PDE4B: variants seen among roughly 807,000 people sequenced by gnomAD.
PDE4B encodes 3',5'-cyclic-AMP phosphodiesterase 4B.
In PDE4B, 20 loss-of-function variants were observed where a neutral mutation model predicts 82.2. The observed-to-expected ratio is 0.24, with a 90% confidence interval of 0.17 to 0.35. The LOEUF (loss-of-function observed/expected upper bound fraction) is 0.35. Ranked by LOEUF, PDE4B falls within the 10% of genes least tolerant of loss-of-function variation. PDE4B has a pLI of 1.00. For synonymous variants in PDE4B, 320 were observed against 318.9 expected, an observed-to-expected ratio of 1.00 and a Z score of -0.04; for missense variants, 655 against 907.2, an observed-to-expected ratio of 0.72 and a Z score of 3.57.
At chr1:66,361,096 A>G (rs1662726144) in intron 9 of PDE4B, among the ~76,000 whole-genome samples, 1 of 152,210 alleles carries the variant, frequency 6.6e-6, no homozygotes, top group Non-Finnish European at 1.5e-5. Flanking sequence ...ATTTAAACTG[A>G]GCCCTTGCTA....
At chr1:65,822,204 G>T (rs914255759) in intron 1 of PDE4B, among the ~76,000 whole-genome samples, 2 of 152,024 alleles carry the variant, frequency 1.3e-5, no homozygotes, top group African/African-American at 4.8e-5. Flanking sequence ...ATTTATTCAT[G>T]CTGATGCCTG....
intron 3 of PDE4B, among the ~76,000 whole-genome samples, chr1:66,151,286 T>TC (rs1375802933): frequency 6.6e-6 from 1 of 152,148 alleles, no homozygotes; most frequent in Non-Finnish European, 1.5e-5. Context: ...CTGAAGTGAC[T>TC]CCCCATTGCC....
chr1:65,868,518 A>G (rs1646537080), intron 1 of PDE4B, among the ~76,000 whole-genome samples: 1 of 152,238 alleles, frequency 6.6e-6, no homozygotes, highest in South Asian at 2.1e-4. Flanking sequence ...AGCTGGGATT[A>G]GCCATAGAGC....
intron 1 of PDE4B, among the ~76,000 whole-genome samples, chr1:65,873,188 T>C (rs1330333571): frequency 6.6e-6 from 1 of 152,192 alleles, no homozygotes; most frequent in East Asian, 1.9e-4. Context: ...GAAGTCCTTT[T>C]ACTCTGGCAA....
At chr1:66,105,848 A>C (rs553765709) in intron 3 of PDE4B, among the ~76,000 whole-genome samples, 1 of 151,868 alleles carries the variant, frequency 6.6e-6, no homozygotes, top group African/African-American at 2.4e-5. Context: ...GGCTGAGACA[A>C]TGGGGTTTTC....
intron 3 of PDE4B, among the ~76,000 whole-genome samples, chr1:66,200,255 A>T (rs1438658237): frequency 2.0e-5 from 3 of 152,150 alleles, no homozygotes; most frequent in Non-Finnish European, 4.4e-5. Flanking sequence ...GTAGCCTTAT[A>T]GTATAGTTTG....
chr1:66,046,937 A>G (rs1032958634), intron 3 of PDE4B, among the ~76,000 whole-genome samples: 9 of 151,890 alleles, frequency 5.9e-5, no homozygotes, highest in African/African-American at 2.2e-4. Context: ...ACTTTTCTGA[A>G]CTTTAATTAG....
chr1:66,132,204 T>G (rs1225876508), intron 3 of PDE4B, among the ~76,000 whole-genome samples: 2 of 152,198 alleles, frequency 1.3e-5, no homozygotes, highest in Non-Finnish European at 2.9e-5. Context: ...ACTGAGTATA[T>G]TCAATGAACA....
intron 3 of PDE4B, among the ~76,000 whole-genome samples, chr1:66,086,698 A>T (rs1480045486): frequency 1.3e-5 from 2 of 152,182 alleles, no homozygotes; most frequent in African/African-American, 2.4e-5. Flanking sequence ...AAACTCCACC[A>T]TTAGTTCCTT....
intron 3 of PDE4B, among the ~76,000 whole-genome samples, chr1:66,217,666 G>A (rs909586994): frequency 4.6e-5 from 7 of 152,072 alleles, no homozygotes; most frequent in Non-Finnish European, 7.4e-5. Flanking sequence ...TGTATGATTT[G>A]TTTAATTATT....
At chr1:65,985,154 A>G (rs1056804164) in intron 3 of PDE4B, among the ~76,000 whole-genome samples, 1 of 152,196 alleles carries the variant, frequency 6.6e-6, no homozygotes, top group Non-Finnish European at 1.5e-5. Flanking sequence ...AGAATTTTCT[A>G]CATTGATATG....
In PDE4B at chr1:66,228,290, A is replaced by G. The variant is rs181050982; in HGVS notation, c.282-19170A>G. Among the ~76,000 whole-genome samples the G allele has an allele frequency of 3.3e-3, 498 of 152,280 alleles. 4 individuals are homozygous for G. The highest frequency in any genetic ancestry group is 0.011 in the African/African-American group (465 of 41,562). On this transcript the variant is annotated intron_variant, in intron 3 of 16. Transcript: ENST00000341517. ...TTTCTCTGGAGTCAATTCTTCTATC[A>G]GTAAAGATCCATTGGTCCTCTGCCT...
chr1:66,042,783 A>C (rs944037755), intron 3 of PDE4B: 2 of 151,814 alleles, frequency 1.3e-5, no homozygotes, highest in African/African-American at 4.8e-5. Context: ...TATTAGCCAA[A>C]AGGGGATATA....
chr1:66,293,438 G>A (rs1657259628), intron 7 of PDE4B, among the ~76,000 whole-genome samples: 1 of 151,426 alleles, frequency 6.6e-6, no homozygotes, highest in Middle Eastern at 3.4e-3. Flanking sequence ...TAAAAGGTGG[G>A]TAAACTGAAT....
At chr1:66,058,387 G>A (rs1017742100) in intron 3 of PDE4B, among the ~76,000 whole-genome samples, 21 of 152,178 alleles carry the variant, frequency 1.4e-4, no homozygotes, top group Admixed American at 7.2e-4. Context: ...TCTAGAGGAC[G>A]GTGTCCCTCT....
chr1:66,213,207 A>G (rs532718239), intron 3 of PDE4B, among the ~76,000 whole-genome samples: 3 of 152,348 alleles, frequency 2.0e-5, no homozygotes, highest in East Asian at 3.9e-4. Flanking sequence ...CAGTGGCATA[A>G]TGTGAATAAT....
chr1:66,193,266 T>C (rs570976053), intron 3 of PDE4B, among the ~76,000 whole-genome samples: 1 of 152,286 alleles, frequency 6.6e-6, no homozygotes, highest in South Asian at 2.1e-4. Context: ...AAATGAAAAA[T>C]ATATTTTATG....
At chr1:66,203,755 T>G (rs940774811) in intron 3 of PDE4B, among the ~76,000 whole-genome samples, 1 of 152,184 alleles carries the variant, frequency 6.6e-6, no homozygotes, top group African/African-American at 2.4e-5. Flanking sequence ...TCATCTAATT[T>G]TTTTTCAAAG....
At chr1:65,896,026 T>G (rs1248829679) in intron 1 of PDE4B, among the ~76,000 whole-genome samples, 1 of 151,276 alleles carries the variant, frequency 6.6e-6, no homozygotes, top group African/African-American at 2.4e-5. Flanking sequence ...TTCTGTAACC[T>G]TTGCATTCTA....
Sources: gnomAD v4.1 joint callset for allele counts (sites outside exome capture counted in the v4.1 genomes callset) on GRCh38, gnomAD v4.1.1 for gene constraint, MANE v1.5 for transcripts, NCBI Gene and HGNC (gene_info 2026-07-23, HGNC 2026-07-21) for gene names.